The following NPAS3 variants were observed in gnomAD, a reference collection of about 807,000 sequenced individuals.
NPAS3 encodes the protein neuronal PAS domain-containing protein 3.
NPAS3 carries 14 observed loss-of-function variants against 73.1 expected under a neutral mutation model. The observed-to-expected ratio is 0.19, with a 90% confidence interval of 0.13 to 0.30. NPAS3 has a LOEUF of 0.30. Among genes scored for constraint, NPAS3 ranks in the 10% least tolerant of loss-of-function variants. NPAS3 has a pLI of 1.00. For synonymous variants in NPAS3, 620 were observed against 541.5 expected (o/e 1.14, Z -2.01); for missense variants, 1,096 against 1,250.0 (o/e 0.88, Z 1.86).
chr14:33,757,643 T>C (rs915481899), intron 7 of NPAS3, among the ~76,000 whole-genome samples: 3 of 152,166 alleles, frequency 2.0e-5, no homozygotes, highest in Non-Finnish European at 4.4e-5. Context: ...GGAATGGATA[T>C]ACCAAGAAGT....
At chr14:33,577,811 G>A (rs1163610179) in intron 5 of NPAS3, among the ~76,000 whole-genome samples, 1 of 152,208 alleles carries the variant, frequency 6.6e-6, no homozygotes, top group Non-Finnish European at 1.5e-5. Context: ...AACATTGTTG[G>A]CCAAGAATGC....
intron 4 of NPAS3, among the ~76,000 whole-genome samples, chr14:33,400,564 T>C (rs542652780): frequency 6.6e-6 from 1 of 152,266 alleles, no homozygotes; most frequent in African/African-American, 2.4e-5. Flanking sequence ...GATAAATTAA[T>C]GGACCTAATT....
intron 4 of NPAS3, among the ~76,000 whole-genome samples, chr14:33,543,259 T>C (rs1387069943): frequency 2.0e-5 from 3 of 152,198 alleles, no homozygotes; most frequent in South Asian, 4.1e-4. Context: ...CTTCCAGTTA[T>C]ATATGAAGAG....
intron 4 of NPAS3, among the ~76,000 whole-genome samples, chr14:33,457,645 G>A (rs1387090963): frequency 6.6e-6 from 1 of 152,034 alleles, no homozygotes; most frequent in African/African-American, 2.4e-5. Flanking sequence ...TTCTTTTAAG[G>A]CAAAGTGATA....
intron 2 of NPAS3, among the ~76,000 whole-genome samples, chr14:33,173,539 C>T (rs1566638651): frequency 6.6e-6 from 1 of 152,126 alleles, no homozygotes; most frequent in East Asian, 1.9e-4. Context: ...GTTTATGCAA[C>T]ATGTCAGCTA....
chr14:33,584,162 A>G (rs554127418), intron 5 of NPAS3, among the ~76,000 whole-genome samples: 9 of 152,330 alleles, frequency 5.9e-5, no homozygotes, highest in African/African-American at 2.2e-4. Context: ...TAGTTATTAG[A>G]CCAAACACTA....
At chr14:32,951,233 A>G (rs992471289) in intron 1 of NPAS3, among the ~76,000 whole-genome samples, 5 of 152,092 alleles carry the variant, frequency 3.3e-5, no homozygotes, top group African/African-American at 1.2e-4. Flanking sequence ...GCAAAAATCT[A>G]TGATTATGTG....
chr14:32,982,576 T>A (rs1595148317), intron 1 of NPAS3, among the ~76,000 whole-genome samples: 1 of 152,162 alleles, frequency 6.6e-6, no homozygotes, highest in South Asian at 2.1e-4. Context: ...CTATCTGCAC[T>A]ACTTAAATGA....
chr14:32,955,905 A>G (rs2036652902), intron 1 of NPAS3, among the ~76,000 whole-genome samples: 1 of 152,122 alleles, frequency 6.6e-6, no homozygotes, highest in Admixed American at 6.6e-5. Flanking sequence ...TTCCTAGTGT[A>G]TTTTGGGTTT....
chr14:33,413,686 G>A (rs1281998872), intron 4 of NPAS3, among the ~76,000 whole-genome samples: 2 of 152,122 alleles, frequency 1.3e-5, no homozygotes, highest in Non-Finnish European at 2.9e-5. Context: ...TCCACGGTCA[G>A]GGATAGCTTA....
chr14:33,542,535 A>AT (rs978106548), intron 4 of NPAS3, among the ~76,000 whole-genome samples: 6 of 151,046 alleles, frequency 4.0e-5, no homozygotes, highest in African/African-American at 1.2e-4. Flanking sequence ...TCATCTCATC[A>AT]TTTTTTTTCA....
rs1555350930 is a variant in NPAS3, at chr14:33,180,799, C to CAAAAA, written c.141-34381_141-34380insAAAAA. Among the ~76,000 whole-genome samples the CAAAAA allele has an allele frequency of 9.4e-4, 65 of 69,356 alleles. 6 individuals are homozygous for CAAAAA. The highest frequency in any genetic ancestry group is 1.2e-3 in the South Asian group (2 of 1,726). 45.5% of individuals were successfully genotyped at this position (69,356 alleles called of 152,430 possible). A position where few individuals can be genotyped will look rare whatever the true frequency, so the allele number is the denominator to read the frequency against. On this transcript the variant is annotated intron_variant, in intron 2 of 11. Transcript: ENST00000356141. ...GGGCGACAGAGCGAGACACTGTCTC[C>CAAAAA]AAGAAAAAAAAAAAAAAAAAAAAAA...
chr14:33,555,904 G>GTGTA (rs144448689), intron 4 of NPAS3, among the ~76,000 whole-genome samples: 1 of 151,920 alleles, frequency 6.6e-6, no homozygotes, highest in Non-Finnish European at 1.5e-5. Context: ...GTCTGTGTGT[G>GTGTA]TGTGTGTGTG....
At chr14:33,733,116 C>T (rs986859979) in intron 6 of NPAS3, among the ~76,000 whole-genome samples, 8 of 152,162 alleles carry the variant, frequency 5.3e-5, no homozygotes, top group African/African-American at 1.9e-4. Context: ...CATGATCTTG[C>T]TGAACAGAGC....
chr14:33,308,531 T>TACACACAC (rs550021518), intron 3 of NPAS3, among the ~76,000 whole-genome samples: 38 of 115,630 alleles, frequency 3.3e-4, no homozygotes, highest in South Asian at 1.7e-3. Context: ...TATATATACA[T>TACACACAC]ACACACACAC....
chr14:33,643,768 GTCCT>G (rs2058745486), intron 5 of NPAS3, among the ~76,000 whole-genome samples: 1 of 152,114 alleles, frequency 6.6e-6, no homozygotes, highest in Non-Finnish European at 1.5e-5. Context: ...TACCCTTTTT[GTCCT>G]TCCAAGTTAA....
At chr14:33,557,247 T>A (rs958756552) in intron 4 of NPAS3, among the ~76,000 whole-genome samples, 4 of 152,166 alleles carry the variant, frequency 2.6e-5, no homozygotes, top group African/African-American at 9.7e-5. Flanking sequence ...TTGTCAAAGG[T>A]AAGGAGCCCA....
intron 2 of NPAS3, among the ~76,000 whole-genome samples, chr14:33,147,163 A>AT (rs201866806): frequency 0.02 from 3,102 of 152,132 alleles, 115 homozygotes; most frequent in African/African-American, 0.07. Flanking sequence ...TTTAATCTGC[A>AT]TTTTTTTCTT....
intron 2 of NPAS3, among the ~76,000 whole-genome samples, chr14:33,113,473 G>C (rs1447085760): frequency 6.6e-6 from 1 of 152,124 alleles, no homozygotes. Flanking sequence ...CTGTTTGTCT[G>C]TTATTAGTGT....
Sources: gnomAD v4.1 joint callset for allele counts (sites outside exome capture counted in the v4.1 genomes callset) on GRCh38, gnomAD v4.1.1 for gene constraint, MANE v1.5 for transcripts, NCBI Gene and HGNC (gene_info 2026-07-23, HGNC 2026-07-21) for gene names.